CYYR1: variants seen among roughly 807,000 people sequenced by gnomAD.
CYYR1 encodes cysteine and tyrosine rich 1, also known as cysteine and tyrosine-rich protein 1.
CYYR1 carries 14 observed loss-of-function variants against 15.2 expected under a neutral mutation model. The ratio of observed to expected loss-of-function variants is 0.92; its 90% CI spans 0.61 to 1.44. The LOEUF is 1.44. Among genes scored for constraint, CYYR1 ranks in the 40% most tolerant of loss-of-function variants. CYYR1 has a pLI of 0.00. For missense variants in CYYR1, 228 were observed against 209.5 expected, an observed-to-expected ratio of 1.09 and a Z score of -0.54; for synonymous variants, 80 against 77.4, an observed-to-expected ratio of 1.03 and a Z score of -0.18.
At chr21:26,548,158 T>C (rs1174717844) in intron 2 of CYYR1, among the ~76,000 whole-genome samples, 2 of 152,232 alleles carry the variant, frequency 1.3e-5, no homozygotes, top group African/African-American at 4.8e-5. Flanking sequence ...ATGAATTTTA[T>C]ATAGCATTTT....
At chr21:26,542,955 G>A (rs1200767889) in intron 2 of CYYR1, among the ~76,000 whole-genome samples, 2 of 152,178 alleles carry the variant, frequency 1.3e-5, no homozygotes, top group African/African-American at 4.8e-5. Context: ...TTTTCACAAT[G>A]TTTAGCCCAA....
chr21:26,548,686 T>C (rs1042166389), intron 2 of CYYR1, among the ~76,000 whole-genome samples: 1 of 152,182 alleles, frequency 6.6e-6, no homozygotes, highest in Non-Finnish European at 1.5e-5. Flanking sequence ...CTAAGGGCCA[T>C]TGGTTAAAGA....
At chr21:26,524,307 A>C (rs2065836957) in intron 2 of CYYR1, among the ~76,000 whole-genome samples, 2 of 152,220 alleles carry the variant, frequency 1.3e-5, no homozygotes, top group African/African-American at 4.8e-5. Flanking sequence ...GCTTACTCTC[A>C]TCTTAAATCA....
intron 2 of CYYR1, among the ~76,000 whole-genome samples, chr21:26,501,850 G>C (rs995108508): frequency 1.1e-4 from 16 of 152,148 alleles, no homozygotes; most frequent in Non-Finnish European, 1.9e-4. Context: ...CACGCCATGA[G>C]AGAAAGAGAG....
chr21:26,506,159 C>T lies in CYYR1; in HGVS notation c.177-25730G>A, dbSNP rs151118310. ...GATAGGAAGGTTCAGATTTCCCTCT[C>T]CATCTAGAAAAGGGGCCCTTGGGAA... On this transcript the variant is annotated intron_variant, in intron 2 of 3. Transcript: ENST00000652641. Among the ~76,000 whole-genome samples the T allele has an allele frequency of 3.0e-3, 464 of 152,244 alleles. 3 individuals are homozygous for T. The highest frequency in any genetic ancestry group is 0.01 in the African/African-American group (420 of 41,550).
At chr21:26,550,118 A>C (rs1979277051) in intron 2 of CYYR1, among the ~76,000 whole-genome samples, 1 of 152,062 alleles carries the variant, frequency 6.6e-6, no homozygotes, top group Non-Finnish European at 1.5e-5. Context: ...CTTTTTCATT[A>C]TATCTGTTTT....
At chr21:26,524,675 A>G (rs146192345) in intron 2 of CYYR1, among the ~76,000 whole-genome samples, 64 of 152,348 alleles carry the variant, frequency 4.2e-4, no homozygotes, top group African/African-American at 1.5e-3. Context: ...TTTTTAAAAA[A>G]TTTTGTTAAT....
At chr21:26,508,841 T>C (rs1252679678) in intron 2 of CYYR1, among the ~76,000 whole-genome samples, 1 of 152,166 alleles carries the variant, frequency 6.6e-6, no homozygotes, top group Non-Finnish European at 1.5e-5. Context: ...CTTAAGGTAT[T>C]AGGAAACTTA....
At chr21:26,519,231 G>A (rs974606619) in intron 2 of CYYR1, among the ~76,000 whole-genome samples, 12 of 152,096 alleles carry the variant, frequency 7.9e-5, no homozygotes, top group Admixed American at 2.0e-4. Context: ...CTGGAGGGGC[G>A]GGGGAACAGG....
intron 2 of CYYR1, chr21:26,550,745 T>C (rs1979327225): frequency 6.6e-6 from 1 of 152,174 alleles, no homozygotes; most frequent in African/African-American, 2.4e-5. Flanking sequence ...AAGAGTCGGT[T>C]CAGGAGGTTT....
At chr21:26,474,060 T>G (rs1015039121) in intron 3 of CYYR1, among the ~76,000 whole-genome samples, 1 of 150,822 alleles carries the variant, frequency 6.6e-6, no homozygotes, top group Admixed American at 6.6e-5. Flanking sequence ...TTTTTTTTTT[T>G]TTTTGAGATG....
chr21:26,491,139 A>T (rs2065322025), intron 2 of CYYR1, among the ~76,000 whole-genome samples: 2 of 152,200 alleles, frequency 1.3e-5, no homozygotes, highest in South Asian at 4.1e-4. Flanking sequence ...TACTGCACAC[A>T]GGCTTTCCTG....
intron 3 of CYYR1, among the ~76,000 whole-genome samples, chr21:26,479,942 A>G (rs1443683821): frequency 1.3e-5 from 2 of 152,208 alleles, no homozygotes; most frequent in South Asian, 2.1e-4. Context: ...TGAGACATAC[A>G]TTATACTTTA....
chr21:26,484,589 G>A (rs898882826), intron 2 of CYYR1, among the ~76,000 whole-genome samples: 3 of 152,046 alleles, frequency 2.0e-5, no homozygotes, highest in Non-Finnish European at 4.4e-5. Context: ...AAAATTAAAA[G>A]TAATCTGGAA....
Position 26,573,143 on chromosome 21 carries a change from G to C in CYYR1, c.-203C>G. 1.3e-6 allele frequency: 2 copies of C among 1,493,836 alleles called. No individual in the cohort carries two copies. The highest frequency in any genetic ancestry group is 1.8e-6 in the Non-Finnish European group (2 of 1,126,364). The allele number at this position is 1,493,836 out of a possible 1,614,324, so 92.5% of individuals were successfully genotyped here. On this transcript the variant is annotated 5_prime_UTR_variant, in exon 1 of 4. Transcript: ENST00000652641. ...CGACTGCGGGACTCCGCGGAGCTGG[G>C]GCGCCCGTGGCCCGAGACGGGCTGC... is the stretch of plus-strand genomic sequence containing the variant.
chr21:26,549,718 ATGCCAGGGAC>A (rs1314850485), intron 2 of CYYR1, among the ~76,000 whole-genome samples: 2 of 152,230 alleles, frequency 1.3e-5, no homozygotes, highest in African/African-American at 4.8e-5. Context: ...CATGTACGAA[ATGCCAGGGAC>A]TGTCAAGCTT....
chr21:26,536,127 G>A (rs557907005), intron 2 of CYYR1, among the ~76,000 whole-genome samples: 5 of 152,220 alleles, frequency 3.3e-5, no homozygotes, highest in East Asian at 3.9e-4. Context: ...GAGTTGCTAC[G>A]CACTTGCAAA....
intron 2 of CYYR1, among the ~76,000 whole-genome samples, chr21:26,515,973 T>G (rs1370233170): frequency 6.6e-6 from 1 of 152,206 alleles, no homozygotes; most frequent in Admixed American, 6.5e-5. Context: ...TGAAATTCTA[T>G]AGAATGAAGC....
chr21:26,519,216 A>C (rs1780996356), intron 2 of CYYR1, among the ~76,000 whole-genome samples: 1 of 152,220 alleles, frequency 6.6e-6, no homozygotes, highest in Non-Finnish European at 1.5e-5. Context: ...ACAAGAGATT[A>C]CATCCTGGAG....
Sources: allele counts gnomAD v4.1 joint callset (sites outside exome capture counted in the v4.1 genomes callset), GRCh38; gene constraint gnomAD v4.1.1; transcripts MANE v1.5; gene names NCBI Gene and HGNC (gene_info 2026-07-23, HGNC 2026-07-21).